Variants in PPP1R3A observed in about 807,000 individuals in gnomAD.
The protein encoded by PPP1R3A is RG1.
Under a neutral mutation model 41.7 loss-of-function variants are expected in PPP1R3A, and 29 were observed. The observed-to-expected ratio is 0.70, with a 90% confidence interval of 0.52 to 0.95. PPP1R3A has a LOEUF of 0.95. PPP1R3A is among the 40% of genes least tolerant of loss of function. The probability of loss-of-function intolerance (pLI) is 0.00; values close to 1 mark genes in which losing one functional copy is unlikely to be tolerated. For missense variants in PPP1R3A, 1,352 were observed against 1,292.4 expected (o/e 1.05, Z -0.71); for synonymous variants, 485 against 453.4 (o/e 1.07, Z -0.89).
In PPP1R3A at chr7:113,905,467, C is replaced by A. The variant is rs139688697; in HGVS notation, c.782+12748G>T. ...AATGCAAATAGACCCCTCTGTTACA[C>A]AGTTTAAAACATTTATATACATGAA... On this transcript the variant is annotated intron_variant, in intron 1 of 3. Transcript: ENST00000284601. Among the ~76,000 whole-genome samples, 371 of 151,924 alleles carry A rather than the reference C, an allele frequency of 2.4e-3. 3 individuals carry two copies. The highest frequency in any genetic ancestry group is 0.017 in the Middle Eastern group (5 of 294).
At position 113,877,378 on chromosome 7, in the gene PPP1R3A, G is replaced by T; in HGVS notation, c.*345C>A. 5.6e-6 allele frequency: 1 copy of T among 179,562 alleles called. No homozygotes were observed. The highest frequency in any genetic ancestry group is 1.2e-5 in the Non-Finnish European group (1 of 86,776). 11.1% of individuals were successfully genotyped at this position (179,562 alleles called of 1,614,324 possible). On this transcript the variant is annotated 3_prime_UTR_variant, in exon 4 of 4. Transcript: ENST00000284601. ...TATACTCTCAAGGGGAAAAAAAAAT[G>T]AAGCTTTATTGCAAGAGAAATGAAT... is the stretch of plus-strand genomic sequence containing the variant.
At chr7:113,915,212 A>G (rs888177522) in intron 1 of PPP1R3A, among the ~76,000 whole-genome samples, 1 of 152,064 alleles carries the variant, frequency 6.6e-6, no homozygotes, top group Non-Finnish European at 1.5e-5. Flanking sequence ...ACCCACACCA[A>G]TGTGGAGATT....
chr7:113,917,156 G>C (rs1467927861), intron 1 of PPP1R3A, among the ~76,000 whole-genome samples: 1 of 151,984 alleles, frequency 6.6e-6, no homozygotes, highest in Non-Finnish European at 1.5e-5. Flanking sequence ...TGGGTGTCTT[G>C]ATTCCAAAAC....
chr7:113,910,196 C>T (rs1158727449), intron 1 of PPP1R3A, among the ~76,000 whole-genome samples: 2 of 152,076 alleles, frequency 1.3e-5, no homozygotes, highest in Non-Finnish European at 2.9e-5. Flanking sequence ...ACCCTTAACA[C>T]GTGGGGATTA....
chr7:113,889,605 AT>A (rs1168412011), intron 1 of PPP1R3A, among the ~76,000 whole-genome samples: 2 of 152,064 alleles, frequency 1.3e-5, no homozygotes, highest in African/African-American at 4.8e-5. Flanking sequence ...GTTGCGGTAA[AT>A]TTTCCCTCAC....
At chr7:113,903,429 A>G (rs1428467469) in intron 1 of PPP1R3A, among the ~76,000 whole-genome samples, 1 of 151,814 alleles carries the variant, frequency 6.6e-6, no homozygotes, top group East Asian at 1.9e-4. Flanking sequence ...CAACACGTAT[A>G]GACAAGTAAA....
rs199651768 is a variant in PPP1R3A at position 113,878,335 on chromosome 7, A to T, written c.2757T>A (p.His919Gln). 36 of 1,612,938 alleles carry T rather than the reference A, an allele frequency of 2.2e-5. No homozygotes were observed. The highest frequency in any genetic ancestry group is 3.0e-5 in the Non-Finnish European group (35 of 1,179,682). ...TAGTTGACACTGAAATTTCAGTATG[A>T]TGTTTGGAAAAAGGAGAGCTATTCT... ...APQNSSPFSK[H>Q]HTEISVSTNE... The change falls in exon 4 of 4, where the codon CAT becomes CAA. Residue 919 changes from histidine to glutamine, a missense_variant. Transcript: ENST00000284601.
intron 1 of PPP1R3A, among the ~76,000 whole-genome samples, chr7:113,908,003 G>T (rs559335132): frequency 7.9e-5 from 12 of 151,902 alleles, no homozygotes; most frequent in African/African-American, 2.2e-4. Flanking sequence ...ATGGGAAAAT[G>T]TTGCTAGAAA....
At position 113,878,544 on chromosome 7, in the gene PPP1R3A, A is replaced by T; in HGVS notation, c.2548T>A (p.Trp850Arg). The T allele has an allele frequency of 6.2e-7, 1 of 1,613,578 alleles. No homozygotes were observed. The highest frequency in any genetic ancestry group is 8.5e-7 in the Non-Finnish European group (1 of 1,179,690). Reference protein sequence around the residue: ...GNITSVEESSWVITEYQKATS... With the variant: ...GNITSVEESSRVITEYQKATS... ...GCTTTTTGATATTCTGTAATGACCC[A>T]TGAGGATTCTTCCACAGATGTTATA... The change falls in exon 4 of 4, where the codon TGG becomes AGG. Residue 850 changes from tryptophan to arginine, a missense_variant. By Grantham distance (101) the Trp-to-Arg change is moderately radical. Coordinates refer to ENST00000284601, the MANE Select transcript of PPP1R3A (RefSeq NM_002711.4).
At chr7:113,888,821 T>C (rs1213903731) in intron 1 of PPP1R3A, among the ~76,000 whole-genome samples, 2 of 152,158 alleles carry the variant, frequency 1.3e-5, no homozygotes, top group Non-Finnish European at 2.9e-5. Flanking sequence ...AAGGAGTTCT[T>C]ACCAACCTTT....
intron 1 of PPP1R3A, among the ~76,000 whole-genome samples, chr7:113,901,689 T>C (rs1461485582): frequency 1.3e-5 from 2 of 151,828 alleles, no homozygotes; most frequent in South Asian, 2.1e-4. Context: ...CAGGGTTAGC[T>C]GCGAGTGGTA....
intron 1 of PPP1R3A, among the ~76,000 whole-genome samples, chr7:113,905,410 T>C (rs1450973683): frequency 6.6e-6 from 1 of 151,766 alleles, no homozygotes; most frequent in African/African-American, 2.4e-5. Flanking sequence ...GCTTAAAGTT[T>C]ACAAAAGTAA....
At position 113,878,658 on chromosome 7, in the gene PPP1R3A, C is replaced by T; in HGVS notation, c.2434G>A (p.Val812Ile). 1 of 1,613,444 alleles carries T rather than the reference C, an allele frequency of 6.2e-7. No individual in the cohort carries two copies. Among genetic ancestry groups the T allele is most frequent in the Non-Finnish European group, 8.5e-7 (1 of 1,179,674 alleles). Residue 812 changes from valine to isoleucine, a missense_variant, in exon 4 of 4, where the codon GTA (valine) becomes ATA (isoleucine). Val to Ile is a conservative substitution (Grantham distance 29). Transcript: ENST00000284601. ...TCCTTCTCCATTTCATCTACACGTA[C>T]ATTACAAATACCTAAACGTGATTCC... ...EKESRLGICN[V>I]RVDEMEKEET...
chr7:113,881,873 A>T (rs1584811962), intron 3 of PPP1R3A, among the ~76,000 whole-genome samples, 166 bp downstream of exon 3: 2 of 152,160 alleles, frequency 1.3e-5, no homozygotes, highest in Middle Eastern at 3.4e-3. Context: ...AACATACAGA[A>T]ATCAAAGTGC....
intron 3 of PPP1R3A, among the ~76,000 whole-genome samples, chr7:113,881,770 C>G (rs765365130): frequency 2.6e-5 from 4 of 151,966 alleles, no homozygotes; most frequent in Non-Finnish European, 5.9e-5. Flanking sequence ...ATAGTGCTAC[C>G]TCTCCTGTAA....
At chr7:113,907,158 A>G (rs1797161275) in intron 1 of PPP1R3A, among the ~76,000 whole-genome samples, 1 of 151,754 alleles carries the variant, frequency 6.6e-6, no homozygotes, top group African/African-American at 2.4e-5. Flanking sequence ...AGAATCTTTT[A>G]TTATTAATAG....
intron 1 of PPP1R3A, among the ~76,000 whole-genome samples, chr7:113,895,774 A>G (rs911994757): frequency 6.6e-6 from 1 of 151,968 alleles, no homozygotes; most frequent in Non-Finnish European, 1.5e-5. Flanking sequence ...GAACCCTATT[A>G]TTAAACTGGA....
intron 1 of PPP1R3A, among the ~76,000 whole-genome samples, chr7:113,891,023 G>C (rs1268383334): frequency 1.6e-5 from 2 of 124,222 alleles, no homozygotes; most frequent in Non-Finnish European, 3.2e-5. Flanking sequence ...CTAGCTCCAA[G>C]TTTCTTAGTC....
chr7:113,908,380 A>C (rs1428664993), intron 1 of PPP1R3A, among the ~76,000 whole-genome samples: 1 of 151,918 alleles, frequency 6.6e-6, no homozygotes, highest in African/African-American at 2.4e-5. Context: ...AAAGCGGTGC[A>C]TCAAGGATGA....
Sources: allele counts gnomAD v4.1 joint callset (sites outside exome capture counted in the v4.1 genomes callset), GRCh38; gene constraint gnomAD v4.1.1; transcripts MANE v1.5; gene names NCBI Gene and HGNC (gene_info 2026-07-23, HGNC 2026-07-21).